FAM83F: variants seen among roughly 807,000 people sequenced by gnomAD.
The protein encoded by FAM83F is protein FAM83F.
A neutral mutation model predicts 42.9 loss-of-function variants in FAM83F; 45 were observed. That is an observed-to-expected ratio of 1.05 (90% confidence interval 0.83 to 1.35). FAM83F has a LOEUF of 1.35. Among genes scored for constraint, FAM83F ranks in the 40% most tolerant of loss-of-function variants. The pLI, the probability that FAM83F is intolerant of heterozygous loss-of-function variation, is 0.00. For missense variants in FAM83F, 617 were observed against 695.9 expected (o/e 0.89, Z 1.28); for synonymous variants, 306 against 298.3 (o/e 1.03, Z -0.27).
In FAM83F at chr22:40,040,734, A is replaced by G. The variant is rs916939526; in HGVS notation, c.*11169A>G. The G allele has an allele frequency of 1.3e-5, 2 of 152,232 alleles. No homozygotes were observed. The highest frequency in any genetic ancestry group is 4.8e-5 in the African/African-American group (2 of 41,458). The allele number at this position is 152,232 out of a possible 1,614,324, so 9.4% of individuals were successfully genotyped here. On this transcript the variant is annotated 3_prime_UTR_variant, in exon 5 of 5. Transcript: ENST00000333407. ...TTGCTCTTGGTCTTTGGCAATGGCT[A>G]CACCCACTGCCCAAGCAAGCAGTAT...
chr22:40,019,720 G>A (rs1037353053), intron 2 of FAM83F, among the ~76,000 whole-genome samples, 167 bp from the exon 3 acceptor site: 7 of 152,162 alleles, frequency 4.6e-5, no homozygotes, highest in East Asian at 1.9e-4. Flanking sequence ...CTTCCTGCTC[G>A]CCAAAGAGGG....
intron 1 of FAM83F, among the ~76,000 whole-genome samples, chr22:39,999,526 C>G (rs2958662): frequency 0.29 from 43,454 of 152,080 alleles, 6,874 homozygotes; most frequent in African/African-American, 0.43. Flanking sequence ...CAATCTCCTC[C>G]GCACCTCAAT....
chr22:40,012,720 A>C (rs1346522269), intron 1 of FAM83F, among the ~76,000 whole-genome samples: 1 of 151,248 alleles, frequency 6.6e-6, no homozygotes, highest in Non-Finnish European at 1.5e-5. Context: ...CAGTGAGCTG[A>C]GATCGCGCCA....
intron 4 of FAM83F, among the ~76,000 whole-genome samples, chr22:40,026,282 AGGCCTAGGTGG>A (rs1341504592): frequency 6.6e-6 from 1 of 152,120 alleles, no homozygotes; most frequent in African/African-American, 2.4e-5. Flanking sequence ...GCACTTTTGG[AGGCCTAGGTGG>A]GCAGATCATG....
chr22:40,029,425 G>A, intron 4 of FAM83F, 91 bp from the exon 5 acceptor site: 1 of 1,501,982 alleles, frequency 6.7e-7, no homozygotes, highest in Non-Finnish European at 9.0e-7. Flanking sequence ...CTCAACTGGA[G>A]ATGTGGACAG....
At chr22:40,005,386 A>T (rs1220045753) in intron 1 of FAM83F, among the ~76,000 whole-genome samples, 1 of 152,218 alleles carries the variant, frequency 6.6e-6, no homozygotes, top group Non-Finnish European at 1.5e-5. Context: ...CTTGCATTAG[A>T]TAATTTTCAC....
rs2067532414 is a variant in FAM83F, at chr22:40,023,305, C to T, written c.1453+1342C>T. Among the ~76,000 whole-genome samples the T allele has an allele frequency of 6.6e-6, 1 of 152,104 alleles. No individual in the cohort carries two copies. Among genetic ancestry groups the T allele is most frequent in the Non-Finnish European group, 1.5e-5 (1 of 68,012 alleles). ...TTCTGTCAGGGGAGGGGTGGCTGGC[C>T]CCATCCCCATTCCTCCTGGGCTCCC... On this transcript the variant is annotated intron_variant, in intron 4 of 4. Transcript: ENST00000333407. This position sits in a 1 kb window ranked among gnomAD's most constrained non-coding sequence, Gnocchi z 4.1.
intron 1 of FAM83F, among the ~76,000 whole-genome samples, chr22:40,011,430 G>A (rs919090340): frequency 3.3e-5 from 5 of 152,214 alleles, no homozygotes; most frequent in East Asian, 1.9e-4. Flanking sequence ...TGATCCGCCC[G>A]CCTCGGCCTC....
At position 40,021,697 on chromosome 22, in the gene FAM83F, T is replaced by C. The variant is rs1316418221; in HGVS notation, c.1187T>C (p.Leu396Pro). Reference protein sequence around the residue: ...PPVEPIPLGELSQKDGRMVSH... With the variant: ...PPVEPIPLGEPSQKDGRMVSH... ...GTGGAGCCCATCCCCTTGGGAGAGCTGAGCCAGAAGGATGGCAGGATGGTC... is the reference window on the plus strand; with the variant it reads ...GTGGAGCCCATCCCCTTGGGAGAGCCGAGCCAGAAGGATGGCAGGATGGTC... The change falls in exon 4 of 5, where the codon CTG becomes CCG. Residue 396 changes from leucine (L) to proline (P), a missense_variant. Coordinates refer to ENST00000333407, the MANE Select transcript of FAM83F (RefSeq NM_138435.4). The surrounding 1 kb of genome is among the most constrained non-coding windows in gnomAD (Gnocchi z 8.7). 1.9e-6 allele frequency: 3 copies of C among 1,612,946 alleles called. No homozygotes were observed. The African/African-American group carries it at 4.0e-5, about 22-fold the overall frequency.
At chr22:40,005,442 C>T (rs767684834) in intron 1 of FAM83F, among the ~76,000 whole-genome samples, 4 of 152,236 alleles carry the variant, frequency 2.6e-5, no homozygotes, top group African/African-American at 4.8e-5. Context: ...CAGAAGCTTG[C>T]CGTGGGGCAG....
chr22:40,019,039 A>T (rs1237341201), intron 1 of FAM83F, 129 bp from the exon 2 acceptor site: 2 of 1,069,494 alleles, frequency 1.9e-6, no homozygotes, highest in African/African-American at 3.2e-5. Context: ...GAACTCCAGG[A>T]ATGGTACAGG....
chr22:40,035,942 C>T lies in FAM83F; in HGVS notation c.*6377C>T, dbSNP rs1019673205. On this transcript the variant is annotated 3_prime_UTR_variant, in exon 5 of 5. Coordinates refer to ENST00000333407, the MANE Select transcript of FAM83F (RefSeq NM_138435.4). ...GAAATTTACCACTTTCATATTGAAT[C>T]GTTGGCACACAGGGCTAACTGCTTG... 1 of 152,158 alleles carries T rather than the reference C, an allele frequency of 6.6e-6. No homozygotes were observed. 9.4% of individuals were successfully genotyped at this position (152,158 alleles called of 1,614,324 possible). A position where few individuals can be genotyped will look rare whatever the true frequency, so the allele number is the denominator to read the frequency against.
rs1321090144 is a variant in FAM83F at position 40,037,048 on chromosome 22, A to G, written c.*7483A>G. On this transcript the variant is annotated 3_prime_UTR_variant, in exon 5 of 5. Coordinates refer to ENST00000333407, the MANE Select transcript of FAM83F (RefSeq NM_138435.4). ...ACTGAAATCTGAATCCATAATTTTC[A>G]TGTATCACAAAGTAGTAATATTCTT... 1 of 152,224 alleles carries G rather than the reference A, an allele frequency of 6.6e-6. No individual in the cohort carries two copies. The highest frequency in any genetic ancestry group is 1.5e-5 in the Non-Finnish European group (1 of 68,060). 9.4% of individuals were successfully genotyped at this position (152,224 alleles called of 1,614,324 possible).
intron 1 of FAM83F, among the ~76,000 whole-genome samples, chr22:40,011,384 A>G (rs2067462802): frequency 6.6e-6 from 1 of 152,104 alleles, no homozygotes; most frequent in South Asian, 2.1e-4. Flanking sequence ...GGGTTTCACC[A>G]TGTTGGCCAG....
intron 4 of FAM83F, among the ~76,000 whole-genome samples, chr22:40,026,746 C>A (rs911238876): frequency 6.6e-6 from 1 of 152,108 alleles, no homozygotes; most frequent in Non-Finnish European, 1.5e-5. Context: ...CCAGAACTCT[C>A]CTGGGGTCCC....
At chr22:40,027,386 G>A (rs926081337) in intron 4 of FAM83F, among the ~76,000 whole-genome samples, 14 of 152,052 alleles carry the variant, frequency 9.2e-5, no homozygotes, top group Non-Finnish European at 1.5e-4. Flanking sequence ...TGCAGGTCCC[G>A]AGTGCCCCAG....
chr22:40,000,140 G>A (rs911448800), intron 1 of FAM83F, among the ~76,000 whole-genome samples: 7 of 152,182 alleles, frequency 4.6e-5, no homozygotes, highest in Admixed American at 4.6e-4. Flanking sequence ...GGAAGCAAGT[G>A]TCTGGAGATG....
Position 39,995,950 on chromosome 22 carries a change from G to A in FAM83F, c.489+419G>A, listed in dbSNP as rs1806143267. On this transcript the variant is annotated intron_variant, in intron 1 of 4. Transcript: ENST00000333407. The surrounding 1 kb of genome is among the most constrained non-coding windows in gnomAD (Gnocchi z 4.6). ...ATGTGATCGTCAAAACAACTTCAGG[G>A]AGTGGGTGGCGGTGACCTTCCCGGT... 1.3e-5 allele frequency among the ~76,000 whole-genome samples: 2 copies of A among 152,208 alleles called. No homozygotes were observed. The highest frequency in any genetic ancestry group is 2.9e-5 in the Non-Finnish European group (2 of 68,032).
At chr22:40,028,058 C>T (rs569519604) in intron 4 of FAM83F, among the ~76,000 whole-genome samples, 7 of 152,262 alleles carry the variant, frequency 4.6e-5, no homozygotes, top group Non-Finnish European at 4.4e-5. Context: ...CTAAGATGGC[C>T]GCATTTCATC....
Sources: gnomAD v4.1 joint callset for allele counts (sites outside exome capture counted in the v4.1 genomes callset) on GRCh38, gnomAD v4.1.1 for gene constraint, Gnocchi (gnomAD v3.1) non-coding constraint, MANE v1.5 for transcripts, NCBI Gene and HGNC (gene_info 2026-07-23, HGNC 2026-07-21) for gene names.